RYR2: variants seen among roughly 807,000 people sequenced by gnomAD.
RYR2 encodes cardiac muscle ryanodine receptor-calcium release channel.
In RYR2, 227 loss-of-function variants were observed where a neutral mutation model predicts 601.1. The ratio of observed to expected loss-of-function variants is 0.38; its 90% CI spans 0.34 to 0.42. The LOEUF (loss-of-function observed/expected upper bound fraction) is 0.42, where lower values mean the gene tolerates loss of function less well. RYR2 is among the 10% of genes least tolerant of loss of function. The pLI is 1.00. For missense variants in RYR2, 4,646 were observed against 6,156.5 expected, an observed-to-expected ratio of 0.75 and a Z score of 8.21; for synonymous variants, 2,223 against 2,175.1, an observed-to-expected ratio of 1.02 and a Z score of -0.61.
At chr1:237,263,842 T>C (rs1688769020) in intron 1 of RYR2, among the ~76,000 whole-genome samples, 1 of 152,048 alleles carries the variant, frequency 6.6e-6, no homozygotes, top group Non-Finnish European at 1.5e-5. Flanking sequence ...GTCCTTTCCC[T>C]TACAGAACTT....
At position 237,071,813 on chromosome 1, in the gene RYR2, C is replaced by T. The variant is rs1664372577; in HGVS notation, c.48+29244C>T. 2.6e-5 allele frequency among the ~76,000 whole-genome samples: 4 copies of T among 152,228 alleles called. No homozygotes were observed. The South Asian group carries it at 8.3e-4, about 31-fold the overall frequency. On this transcript the variant is annotated intron_variant, in intron 1 of 104. Coordinates refer to ENST00000366574, the MANE Select transcript of RYR2 (RefSeq NM_001035.3). ...CGAGGGGTGCCTGCCGAGCTGCTCT[C>T]AGCCCCACCCGGCTCCAGCCTTTCT...
chr1:237,334,178 A>G (rs1697025362), intron 3 of RYR2, among the ~76,000 whole-genome samples: 1 of 152,162 alleles, frequency 6.6e-6, no homozygotes, highest in Admixed American at 6.5e-5. Context: ...ATGAATAAAT[A>G]CATGGTTTTC....
chr1:237,148,553 TACACACACAC>T (rs1157417005), intron 1 of RYR2, among the ~76,000 whole-genome samples: 19 of 105,654 alleles, frequency 1.8e-4, no homozygotes, highest in Admixed American at 2.9e-4. Flanking sequence ...TATATATATA[TACACACACAC>T]ATATATATAT....
At position 237,590,803 on chromosome 1, in the gene RYR2, G is replaced by C. The variant is rs773678614; in HGVS notation, c.3971G>C (p.Gly1324Ala). 6.0e-5 allele frequency: 97 copies of C among 1,613,716 alleles called. No homozygotes were observed. The highest frequency in any genetic ancestry group is 8.1e-5 in the Non-Finnish European group (96 of 1,179,848). ...FSKTVAGGLP[G>A]AGLFGPKNDL... ...AAGACGGTGGCTGGAGGGCTCCCTGGGGCTGGCCTTTTTGGGCCCAAGAAT... is the reference window on the plus strand; with the variant it reads ...AAGACGGTGGCTGGAGGGCTCCCTGCGGCTGGCCTTTTTGGGCCCAAGAAT... Residue 1324 changes from glycine to alanine, a missense_variant, in exon 31 of 105, where the codon GGG (glycine) becomes GCG (alanine). Around this residue, in one of 17 missense-constraint regions of RYR2, gnomAD observed 1,807 missense variants for 2,088.1 expected, o/e 0.87. Coordinates refer to ENST00000366574, the MANE Select transcript of RYR2 (RefSeq NM_001035.3).
chr1:237,468,580 C>T (rs941782913), intron 16 of RYR2, among the ~76,000 whole-genome samples: 2 of 152,156 alleles, frequency 1.3e-5, no homozygotes, highest in African/African-American at 4.8e-5. Flanking sequence ...TTGGTCTTCT[C>T]ATCCATTATT....
At chr1:237,472,264 C>T (rs4329503) in intron 17 of RYR2, among the ~76,000 whole-genome samples, 73,896 of 152,012 alleles carry the variant, frequency 0.49, 19,049 homozygotes, top group East Asian at 0.71. Context: ...ATAAGTCTGA[C>T]GTTGCTGAAC....
At chr1:237,234,853 T>C (rs1312617817) in intron 1 of RYR2, among the ~76,000 whole-genome samples, 1 of 152,192 alleles carries the variant, frequency 6.6e-6, no homozygotes, top group Admixed American at 6.5e-5. Flanking sequence ...TGTATGTGGC[T>C]TCTGTCATCA....
chr1:237,160,527 C>G (rs1675887144), intron 1 of RYR2, among the ~76,000 whole-genome samples: 2 of 151,754 alleles, frequency 1.3e-5, no homozygotes, highest in Non-Finnish European at 2.9e-5. Context: ...GAACTAATGT[C>G]TGGGTTTTTT....
At chr1:237,110,331 T>G (rs1669316916) in intron 1 of RYR2, among the ~76,000 whole-genome samples, 1 of 151,898 alleles carries the variant, frequency 6.6e-6, no homozygotes, top group African/African-American at 2.4e-5. Context: ...TAGTTACATA[T>G]GTATACATGT....
At chr1:237,594,783 A>G (rs544818034) in intron 33 of RYR2, among the ~76,000 whole-genome samples, 26 of 152,002 alleles carry the variant, frequency 1.7e-4, no homozygotes, top group African/African-American at 6.3e-4. Context: ...TGGCAAAGAA[A>G]GAGAATGCTG....
chr1:237,639,839 A>G (rs1193569836), intron 46 of RYR2, among the ~76,000 whole-genome samples: 1 of 152,158 alleles, frequency 6.6e-6, no homozygotes, highest in African/African-American at 2.4e-5. Context: ...TGCCTCTGGT[A>G]AAGATGTAAC....
intron 1 of RYR2, among the ~76,000 whole-genome samples, chr1:237,058,692 G>A (rs1030215480): frequency 2.6e-5 from 4 of 151,814 alleles, no homozygotes; most frequent in Non-Finnish European, 4.4e-5. Context: ...AGGGCGGGCC[G>A]GATTACTTGA....
At chr1:237,656,068 T>G in intron 53 of RYR2, 84 bp downstream of exon 53, 1 of 1,274,000 alleles carries the variant, frequency 7.8e-7, no homozygotes, top group Non-Finnish European at 1.1e-6. Flanking sequence ...AAGTGAACTT[T>G]CTCTAATACA....
chr1:237,595,645 C>T lies in RYR2; in HGVS notation c.4584C>T (p.Ser1528=). ...TCATTGCCAATGGCAAGGAACTGAG[C>T]ACATACTATCAGGTACGCGGTCAGT... ...LTFIANGKEL[S]TYYQVEPSTK... is the part of the protein sequence containing the mutation. Residue 1528 remains serine, a synonymous_variant, in exon 34 of 105, where the codon AGC becomes AGT. Transcript: ENST00000366574. The T allele has an allele frequency of 6.2e-7, 1 of 1,611,986 alleles. No individual in the cohort carries two copies. The highest frequency in any genetic ancestry group is 1.3e-5 in the African/African-American group (1 of 74,950).
intron 1 of RYR2, among the ~76,000 whole-genome samples, chr1:237,130,492 T>A (rs539897036): frequency 1.3e-5 from 2 of 152,236 alleles, no homozygotes; most frequent in African/African-American, 2.4e-5. Context: ...GGTAGGTGGA[T>A]CATGAGGTCA....
At chr1:237,445,287 C>A in intron 13 of RYR2, 114 bp from the exon 14 acceptor site, 1 of 1,329,722 alleles carries the variant, frequency 7.5e-7, no homozygotes, top group Non-Finnish European at 1.0e-6. Flanking sequence ...TCCCCTGTAC[C>A]TGCCTTTTGA....
At chr1:237,124,322 A>T (rs1224585143) in intron 1 of RYR2, among the ~76,000 whole-genome samples, 2 of 152,206 alleles carry the variant, frequency 1.3e-5, no homozygotes, top group Non-Finnish European at 2.9e-5. Flanking sequence ...TAGTAGTTTC[A>T]CAGTTGACCA....
chr1:237,503,357 G>C lies in RYR2; in HGVS notation c.2465G>C (p.Cys822Ser). ...CTTCCTCCACCTGGGTATGCTCCTT[G>C]TTATGAAGCTGTTCTGCCAAAAGAA... is the stretch of plus-strand genomic sequence containing the variant. ...KFLPPPGYAP[C>S]YEAVLPKEKL... The change falls in exon 22 of 105, where the codon TGT becomes TCT. Residue 822 changes from cysteine to serine, a missense_variant. By Grantham distance (112) the Cys-to-Ser change is moderately radical. Coordinates refer to ENST00000366574, the MANE Select transcript of RYR2 (RefSeq NM_001035.3). 6.2e-7 allele frequency: 1 copy of C among 1,613,956 alleles called. No homozygotes were observed.
chr1:237,556,163 A>G (rs1670851806), intron 27 of RYR2, among the ~76,000 whole-genome samples: 1 of 152,060 alleles, frequency 6.6e-6, no homozygotes, highest in African/African-American at 2.4e-5. Context: ...ATGGGTACCT[A>G]CTTTCTTCTG....
Sources: gnomAD v4.1 joint callset for allele counts (sites outside exome capture counted in the v4.1 genomes callset) on GRCh38, gnomAD v4.1.1 for gene constraint, gnomAD v4.1.1 regional missense constraint, MANE v1.5 for transcripts, NCBI Gene and HGNC (gene_info 2026-07-23, HGNC 2026-07-21) for gene names.